Variants in TAFA3 observed in about 807,000 individuals in gnomAD.
The protein encoded by TAFA3 is TAFA chemokine like family member 3.
TAFA3 carries 17 observed loss-of-function variants against 20.7 expected under a neutral mutation model. That is an observed-to-expected ratio of 0.82 (90% CI 0.56 to 1.23). TAFA3 has a LOEUF of 1.23. Ranked by LOEUF, TAFA3 falls within the 50% of genes most tolerant of loss-of-function variation. The pLI is 0.00. For missense variants in TAFA3, 174 were observed against 172.8 expected, an observed-to-expected ratio of 1.01 and a Z score of -0.04; for synonymous variants, 74 against 71.8, an observed-to-expected ratio of 1.03 and a Z score of -0.16.
chr1:112,723,958 T>C (rs1315509006), intron 4 of TAFA3, 55 bp from the exon 5 acceptor site: 2 of 1,613,696 alleles, frequency 1.2e-6, no homozygotes, highest in Middle Eastern at 1.7e-4. Flanking sequence ...TGCTCTTGGC[T>C]GCCCACTGTG....
chr1:112,722,492 C>A, intron 3 of TAFA3, 144 bp downstream of exon 3: 1 of 693,360 alleles, frequency 1.4e-6, no homozygotes, highest in Non-Finnish European at 2.4e-6. Flanking sequence ...TCCTCCTCTG[C>A]TCTTTACCCA....
In TAFA3 at chr1:112,726,873, T is replaced by C. The variant is rs1675484046; in HGVS notation, c.*233T>C. The C allele has an allele frequency of 2.3e-5, 13 of 574,922 alleles. No individual in the cohort carries two copies. 35.6% of individuals were successfully genotyped at this position (574,922 alleles called of 1,614,324 possible). On this transcript the variant is annotated 3_prime_UTR_variant, in exon 6 of 6. Coordinates refer to ENST00000361886, the MANE Select transcript of TAFA3 (RefSeq NM_182759.3). ...TGGAGACACGAAGGTCAACACACAA[T>C]TCCTGCCCTTAAGGAATGTCCAGTT...
chr1:112,724,175 CCTCT>C, intron 5 of TAFA3, 38 bp downstream of exon 5: 1 of 1,522,958 alleles, frequency 6.6e-7, no homozygotes. Context: ...CCTCCCCTTC[CCTCT>C]CTACCAAGGG....
At chr1:112,720,426 C>A (rs759450908) in intron 1 of TAFA3, 151 bp from the exon 2 acceptor site, 1 of 152,326 alleles carries the variant, frequency 6.6e-6, no homozygotes, top group Non-Finnish European at 1.5e-5. Context: ...ACTGTCCCTG[C>A]CCTGGCACCT....
intron 1 of TAFA3, among the ~76,000 whole-genome samples, 21 bp downstream of exon 1, chr1:112,719,320 C>T (rs1456548806): frequency 6.6e-6 from 1 of 152,134 alleles, no homozygotes; most frequent in African/African-American, 2.4e-5. Flanking sequence ...GGTGTGGGGG[C>T]TCAGAATGTG....
In TAFA3 at chr1:112,726,887, G is replaced by C; in HGVS notation, c.*247G>C. 1 of 555,484 alleles carries C rather than the reference G, an allele frequency of 1.8e-6. No homozygotes were observed. Among genetic ancestry groups the C allele is most frequent in the Non-Finnish European group, 3.2e-6 (1 of 313,504 alleles). The allele number at this position is 555,484 out of a possible 1,614,324, so 34.4% of individuals were successfully genotyped here. The stretch of plus-strand genomic sequence containing the variant: ...TCAACACACAATTCCTGCCCTTAAG[G>C]AATGTCCAGTTGAATTGGAGAGTTG... On this transcript the variant is annotated 3_prime_UTR_variant, in exon 6 of 6. Coordinates refer to ENST00000361886, the MANE Select transcript of TAFA3 (RefSeq NM_182759.3).
In TAFA3 at chr1:112,723,916, G is replaced by A. The variant is rs547190847; in HGVS notation, c.266-97G>A. 1.5e-5 allele frequency: 24 copies of A among 1,611,658 alleles called. No individual in the cohort carries two copies. The Admixed American group carries it at 1.7e-4, about 11-fold the overall frequency. The stretch of plus-strand genomic sequence containing the variant: ...GGAAATGCATGGCTCAAGGCCAGGG[G>A]TGTGTGGAAACGTGCACCTCATTCG... On this transcript the variant is annotated intron_variant, in intron 4 of 5. Transcript: ENST00000361886.
intron 5 of TAFA3, among the ~76,000 whole-genome samples, 171 bp downstream of exon 5, chr1:112,724,308 AG>A (rs1404598148): frequency 2.4e-4 from 37 of 152,006 alleles, no homozygotes; most frequent in Admixed American, 2.4e-3. Flanking sequence ...GACTGGAGTT[AG>A]GGGGGTCAGG....
chr1:112,722,361 T>C lies in TAFA3; in HGVS notation c.115+13T>C, dbSNP rs768700644. On this transcript the variant is annotated intron_variant, in intron 3 of 5. Coordinates refer to ENST00000361886, the MANE Select transcript of TAFA3 (RefSeq NM_182759.3). ...CCCACTGCCACAGGTTTGGAGGAGG[T>C]GGCAGGGCCCGGGGAGGGAGTTTCC... The C allele has an allele frequency of 6.2e-7, 1 of 1,609,498 alleles. No individual in the cohort carries two copies. Among genetic ancestry groups the C allele is most frequent in the South Asian group, 1.1e-5 (1 of 90,958 alleles).
Position 112,719,198 on chromosome 1 carries a change from G to T in TAFA3, c.-161G>T, listed in dbSNP as rs1557786460. On this transcript the variant is annotated 5_prime_UTR_variant, in exon 1 of 6. Coordinates refer to ENST00000361886, the MANE Select transcript of TAFA3 (RefSeq NM_182759.3). The stretch of plus-strand genomic sequence containing the variant: ...GGACTAGACAGCACCCAAGCTGGCC[G>T]CTCCCTCCCAAAGTCTGTCTTTCGG... Among the ~76,000 whole-genome samples, 2 of 152,230 alleles carry T rather than the reference G, an allele frequency of 1.3e-5. No individual in the cohort carries two copies. The highest frequency in any genetic ancestry group is 2.4e-5 in the African/African-American group (1 of 41,460).
At chr1:112,722,786 G>T (rs1675360871) in intron 3 of TAFA3, among the ~76,000 whole-genome samples, 1 of 152,196 alleles carries the variant, frequency 6.6e-6, no homozygotes, top group Non-Finnish European at 1.5e-5. Context: ...CTGCCCAGGG[G>T]CCGTGCTCTG....
At chr1:112,724,815 G>GAA (rs1364665420) in intron 5 of TAFA3, among the ~76,000 whole-genome samples, 1 of 7,662 alleles carries the variant, frequency 1.3e-4, no homozygotes, top group African/African-American at 5.2e-4. Flanking sequence ...TATTAGAGCA[G>GAA]CAAAAAAAAA....
intron 5 of TAFA3, among the ~76,000 whole-genome samples, chr1:112,725,255 C>A (rs1416508825): frequency 6.6e-6 from 1 of 152,020 alleles, no homozygotes; most frequent in African/African-American, 2.4e-5. Context: ...GGAGCAAGGG[C>A]TGAAAAACTA....
At chr1:112,721,940 A>G (rs1675338538) in intron 2 of TAFA3, among the ~76,000 whole-genome samples, 1 of 152,208 alleles carries the variant, frequency 6.6e-6, no homozygotes, top group Non-Finnish European at 1.5e-5. Context: ...AAGCACTCAA[A>G]GAGTAGGAGT....
chr1:112,726,362 T>C (rs1675472316), intron 5 of TAFA3, among the ~76,000 whole-genome samples: 1 of 152,128 alleles, frequency 6.6e-6, no homozygotes, highest in Non-Finnish European at 1.5e-5. Flanking sequence ...CTTGTGACAT[T>C]TGTCACCATG....
In TAFA3 at chr1:112,723,172, G is replaced by T; in HGVS notation, c.265+7G>T. ...AAGCCCTCCTGCGTGGACGGTGAGT[G>T]AGAGGCCAGGACCCGGGCAGGGCCC... On this transcript the variant is annotated splice_region_variant and intron_variant, in intron 4 of 5. Coordinates refer to ENST00000361886, the MANE Select transcript of TAFA3 (RefSeq NM_182759.3). The T allele has an allele frequency of 1.2e-6, 2 of 1,611,744 alleles. No individual in the cohort carries two copies. Among genetic ancestry groups the T allele is most frequent in the South Asian group, 2.2e-5 (2 of 90,696 alleles).
At chr1:112,726,009 C>T (rs147871160) in intron 5 of TAFA3, among the ~76,000 whole-genome samples, 2,700 of 152,198 alleles carry the variant, frequency 0.018, 99 homozygotes, top group African/African-American at 0.062. Context: ...TAATGGCACA[C>T]GCCTGTAATC....
chr1:112,722,054 C>G (rs1041977566), intron 2 of TAFA3, among the ~76,000 whole-genome samples, 179 bp from the exon 3 acceptor site: 1 of 152,174 alleles, frequency 6.6e-6, no homozygotes, highest in Non-Finnish European at 1.5e-5. Flanking sequence ...CTCTCCTTTT[C>G]TTCCTGCAGC....
chr1:112,724,255 C>T (rs1675403998), intron 5 of TAFA3, 118 bp downstream of exon 5: 1 of 949,460 alleles, frequency 1.1e-6, no homozygotes, highest in African/African-American at 1.7e-5. Flanking sequence ...GATCGTGAAC[C>T]ATGAAATTCA....
Sources: allele counts gnomAD v4.1 joint callset (sites outside exome capture counted in the v4.1 genomes callset), GRCh38; gene constraint gnomAD v4.1.1; transcripts MANE v1.5; gene names NCBI Gene and HGNC (gene_info 2026-07-23, HGNC 2026-07-21).